Variants in FHIP2B observed in about 807,000 individuals in gnomAD.
FHIP2B encodes FHF complex subunit HOOK-interacting protein 2B.
In FHIP2B, 72 loss-of-function variants were observed where a neutral mutation model predicts 84.0. The observed-to-expected ratio is 0.86, with a 90% CI of 0.71 to 1.04. The LOEUF (loss-of-function observed/expected upper bound fraction) is 1.04. Ranked by LOEUF, FHIP2B falls within the 50% of genes least tolerant of loss-of-function variation. The pLI, the probability that FHIP2B is intolerant of heterozygous loss-of-function variation, is 0.00. For missense variants in FHIP2B, 972 were observed against 968.9 expected, an observed-to-expected ratio of 1.00 and a Z score of -0.04; for synonymous variants, 497 against 418.7, an observed-to-expected ratio of 1.19 and a Z score of -2.28.
At position 22,099,353 on chromosome 8, in the gene FHIP2B, C is replaced by T. The variant is rs1442112068; in HGVS notation, c.1144C>T (p.Leu382=). The change falls in exon 9 of 17, where the codon CTG becomes TTG. Residue 382 remains leucine, a synonymous_variant. Transcript: ENST00000289921. The part of the protein sequence containing the change: ...FFVETLQPQL[L]HVSEQSILTS... ...CGTGGAGACCCTGCAGCCCCAGCTC[C>T]TGCACGTGTAAGTGTCTAGTTCCCT... is the stretch of plus-strand genomic sequence containing the variant. The T allele has an allele frequency of 1.9e-6, 3 of 1,613,378 alleles. No individual in the cohort carries two copies. The highest frequency in any genetic ancestry group is 1.3e-5 in the African/African-American group (1 of 75,062).
In FHIP2B at chr8:22,096,374, G is replaced by C; in HGVS notation, c.162G>C (p.Trp54Cys). The change falls in exon 3 of 17, where the codon TGG becomes TGC. Residue 54 changes from tryptophan (W) to cysteine (C), a missense_variant. Trp to Cys is a radical substitution (Grantham distance 215, BLOSUM62 -2). Transcript: ENST00000289921. The stretch of plus-strand genomic sequence containing the variant: ...CCGCCAAGAAGACAGACATTCCCTG[G>C]CGGCTGAAGCAGATGCTGGATATCC... The part of the protein sequence containing the change: ...STPAKKTDIP[W>C]RLKQMLDILV... 1.9e-6 allele frequency: 3 copies of C among 1,559,824 alleles called. No homozygotes were observed. Among genetic ancestry groups the C allele is most frequent in the Non-Finnish European group, 1.7e-6 (2 of 1,151,976 alleles).
chr8:22,098,190 C>T lies in FHIP2B; in HGVS notation c.648C>T (p.Asp216=), dbSNP rs199793638. 29 of 1,577,624 alleles carry T rather than the reference C, an allele frequency of 1.8e-5. No homozygotes were observed. Among genetic ancestry groups the T allele is most frequent in the South Asian group, 9.3e-5 (8 of 86,160 alleles). ...HDGAPARPQL[D]GESCGAQALN... ...GTGCTCCTGCCAGGCCCCAGCTGGA[C>T]GGGGAGTCCTGTGGGGCCCAGGCCT... is the stretch of plus-strand genomic sequence containing the variant. The change falls in exon 6 of 17, where the codon GAC becomes GAT. Residue 216 remains aspartate (D), a synonymous_variant. Transcript: ENST00000289921.
chr8:22,099,820 C>G lies in FHIP2B; in HGVS notation c.1268C>G (p.Pro423Arg), dbSNP rs1826004315. ...TTCCTCCTGGGCACAGACCGGCAGC[C>G]TGAAGCCCCCGGGGACAACCCCCAC... ...VAFLLGTDRQ[P>R]EAPGDNPHTL... is the part of the protein sequence containing the mutation. Residue 423 changes from proline to arginine, a missense_variant, in exon 10 of 17, where the codon CCT becomes CGT. Transcript: ENST00000289921. The G allele has an allele frequency of 6.2e-7, 1 of 1,613,104 alleles. No individual in the cohort carries two copies. Among genetic ancestry groups the G allele is most frequent in the Non-Finnish European group, 8.5e-7 (1 of 1,179,692 alleles).
chr8:22,101,616 C>G lies in FHIP2B; in HGVS notation c.1707+86C>G, dbSNP rs187224805. 6.4e-4 allele frequency: 998 copies of G among 1,556,214 alleles called. 3 individuals carry two copies. The African/African-American group carries it at 0.012, about 19-fold the overall frequency. On this transcript the variant is annotated intron_variant, in intron 13 of 16. Coordinates refer to ENST00000289921, the MANE Select transcript of FHIP2B (RefSeq NM_022749.7). ...TCTGGGTTCCGCCTCTCTCATCTGC[C>G]CAAGGACCCCAGCCCATCCCTCCTG...
Position 22,097,749 on chromosome 8 carries a change from A to G in FHIP2B, c.435A>G (p.Gly145=), listed in dbSNP as rs1825857604. ...KLLRLGGTAS[G]SVTEKEEVQF... The stretch of plus-strand genomic sequence containing the variant: ...TCCGACTTGGTGGGACTGCTTCCGG[A>G]TCCGTTACAGAAAAGGAGGAGGTGC... The change falls in exon 5 of 17, where the codon GGA becomes GGG. Residue 145 remains glycine (G), a synonymous_variant. Transcript: ENST00000289921. The G allele has an allele frequency of 6.2e-7, 1 of 1,613,118 alleles. No individual in the cohort carries two copies. The highest frequency in any genetic ancestry group is 1.7e-5 in the Admixed American group (1 of 59,948).
chr8:22,096,541 G>A (rs781182395), intron 3 of FHIP2B, 32 bp downstream of exon 3: 45 of 1,485,412 alleles, frequency 3.0e-5, no homozygotes, highest in South Asian at 9.3e-5. Flanking sequence ...GGGCCAGGCC[G>A]AGGTGGGAGG....
rs1158284072 is a variant in FHIP2B, at chr8:22,102,174, G to C, written c.1852-1G>C. 2 of 1,613,442 alleles carry C rather than the reference G, an allele frequency of 1.2e-6. No homozygotes were observed. Among genetic ancestry groups the C allele is most frequent in the Admixed American group, 3.3e-5 (2 of 60,018 alleles). The stretch of plus-strand genomic sequence containing the variant: ...CGGCTCTGTCCACCATGTTCCTACA[G>C]CCATACAGCCTGAACCTGCAGGTGA... On this transcript the variant is annotated splice_acceptor_variant, in intron 14 of 16. Coordinates refer to ENST00000289921, the MANE Select transcript of FHIP2B (RefSeq NM_022749.7). LOFTEE classifies it high-confidence loss of function.
chr8:22,101,872 A>G (rs1280540611), intron 14 of FHIP2B, 21 bp downstream of exon 14: 1 of 1,611,434 alleles, frequency 6.2e-7, no homozygotes, highest in African/African-American at 1.3e-5. Context: ...GGCCTGGGCC[A>G]GGAGAACTCC....
At position 22,100,576 on chromosome 8, in the gene FHIP2B, A is replaced by AC; in HGVS notation, c.1342-13dup. 4.0e-6 allele frequency: 6 copies of AC among 1,518,242 alleles called. No homozygotes were observed. Among genetic ancestry groups the AC allele is most frequent in the Non-Finnish European group, 5.3e-6 (6 of 1,133,268 alleles). The allele number at this position is 1,518,242 out of a possible 1,614,324, so 94.0% of individuals were successfully genotyped here. ...GGGTGGGGAAGGGGCTATCCTGCCG[A>AC]CCCCCTTCCTGCTCCAGATCAGCAT... On this transcript the variant is annotated splice_polypyrimidine_tract_variant and intron_variant, in intron 10 of 16. Transcript: ENST00000289921.
At position 22,103,652 on chromosome 8, in the gene FHIP2B, C is replaced by G. The variant is rs1826248110; in HGVS notation, c.*721C>G. The G allele has an allele frequency of 6.6e-6, 1 of 152,386 alleles. No individual in the cohort carries two copies. The highest frequency in any genetic ancestry group is 2.4e-5 in the African/African-American group (1 of 41,468). 9.4% of individuals were successfully genotyped at this position (152,386 alleles called of 1,614,324 possible). A position where few individuals can be genotyped will look rare whatever the true frequency, so the allele number is the denominator to read the frequency against. On this transcript the variant is annotated 3_prime_UTR_variant, in exon 17 of 17. Coordinates refer to ENST00000289921, the MANE Select transcript of FHIP2B (RefSeq NM_022749.7). ...GGTCCAGCTGGTTCCTCTCTGGCGC[C>G]TTCTGAACCCGTCTCAGCAGGTCCA...
At position 22,103,191 on chromosome 8, in the gene FHIP2B, C is replaced by T; in HGVS notation, c.*260C>T. 1.9e-6 allele frequency: 1 copy of T among 525,542 alleles called. No individual in the cohort carries two copies. The highest frequency in any genetic ancestry group is 3.4e-6 in the Non-Finnish European group (1 of 291,358). The allele number at this position is 525,542 out of a possible 1,614,324, so 32.6% of individuals were successfully genotyped here. On this transcript the variant is annotated 3_prime_UTR_variant, in exon 17 of 17. Coordinates refer to ENST00000289921, the MANE Select transcript of FHIP2B (RefSeq NM_022749.7). ...GGAGCTTGGGTGACAGCCAGGTGAG[C>T]ACCCAGACCCCAGACCCTCATGTGC...
intron 15 of FHIP2B, 70 bp downstream of exon 15, chr8:22,102,385 C>A: frequency 6.9e-7 from 1 of 1,455,682 alleles, no homozygotes; most frequent in South Asian, 1.2e-5. Flanking sequence ...GGGAACGGGG[C>A]AGGTGGTTGG....
At chr8:22,090,634 T>C (rs187468054) in intron 1 of FHIP2B, among the ~76,000 whole-genome samples, 249 of 152,310 alleles carry the variant, frequency 1.6e-3, no homozygotes, top group African/African-American at 5.8e-3. Context: ...CTTTTTCTTT[T>C]CTTTTTATTA....
chr8:22,089,711 G>C (rs982032042), intron 1 of FHIP2B: 104 of 1,194,334 alleles, frequency 8.7e-5, no homozygotes, highest in Middle Eastern at 4.6e-4. Context: ...CCACCGCCTC[G>C]CCTGGGCTTG....
In FHIP2B at chr8:22,102,029, C is replaced by T. The variant is rs1437263111; in HGVS notation, c.1852-146C>T. 2.0e-6 allele frequency: 3 copies of T among 1,531,140 alleles called. No individual in the cohort carries two copies. In the East Asian group the frequency reaches 7.1e-5, roughly 36 times the overall value. The allele number at this position is 1,531,140 out of a possible 1,614,324, so 94.8% of individuals were successfully genotyped here. A position where few individuals can be genotyped will look rare whatever the true frequency, so the allele number is the denominator to read the frequency against. On this transcript the variant is annotated intron_variant, in intron 14 of 16. Coordinates refer to ENST00000289921, the MANE Select transcript of FHIP2B (RefSeq NM_022749.7). ...ACACGTCCTAACACGTTCTGGCCCTCAGCCCCATGGAATCCATGACACACA... is the reference window on the plus strand; with the variant it reads ...ACACGTCCTAACACGTTCTGGCCCTTAGCCCCATGGAATCCATGACACACA...
intron 10 of FHIP2B, 33 bp downstream of exon 10, chr8:22,099,926 C>T: frequency 6.4e-7 from 1 of 1,553,240 alleles, no homozygotes; most frequent in Admixed American, 2.2e-5. Flanking sequence ...CTGTTCCTCT[C>T]ACCACCCCTG....
At position 22,102,523 on chromosome 8, in the gene FHIP2B, T is replaced by A. The variant is rs1392372527; in HGVS notation, c.1993-5T>A. On this transcript the variant is annotated splice_region_variant and splice_polypyrimidine_tract_variant and intron_variant, in intron 15 of 16. Transcript: ENST00000289921. ...CATCTGAGTCCCCTGTGATTCCCGC[T>A]GTAGGTGATCGGGGACTTGATGCAG... is the stretch of plus-strand genomic sequence containing the variant. The A allele has an allele frequency of 6.4e-7, 1 of 1,555,224 alleles. No individual in the cohort carries two copies. The highest frequency in any genetic ancestry group is 8.7e-7 in the Non-Finnish European group (1 of 1,149,730).
At chr8:22,094,566 G>A in intron 2 of FHIP2B, 48 bp downstream of exon 2, 1 of 1,606,384 alleles carries the variant, frequency 6.2e-7, no homozygotes, top group Non-Finnish European at 8.5e-7. Flanking sequence ...GGAGCGGGGA[G>A]GAAGGAGTGT....
rs760846547 is a variant in FHIP2B, at chr8:22,100,700, C to T, written c.1448C>T (p.Ala483Val). Residue 483 changes from alanine to valine, a missense_variant, in exon 11 of 17, where the codon GCC becomes GTC. Coordinates refer to ENST00000289921, the MANE Select transcript of FHIP2B (RefSeq NM_022749.7). ...LRNLEGRPYV[A>V]WGSPEPESYE... ...AACCTTGAGGGCCGCCCTTACGTGG[C>T]CTGGGGCTCACCAGAGCCTGAGAGC... The T allele has an allele frequency of 6.2e-7, 1 of 1,605,814 alleles. No individual in the cohort carries two copies. Among genetic ancestry groups the T allele is most frequent in the Admixed American group, 1.7e-5 (1 of 59,158 alleles).
Sources: gnomAD v4.1 joint callset for allele counts (sites outside exome capture counted in the v4.1 genomes callset) on GRCh38, gnomAD v4.1.1 for gene constraint, MANE v1.5 for transcripts, NCBI Gene and HGNC (gene_info 2026-07-23, HGNC 2026-07-21) for gene names.